Variants in SCYL2 observed in about 807,000 individuals in gnomAD.
The protein encoded by SCYL2 is SCY1-like protein 2.
In SCYL2, 36 loss-of-function variants were observed where a neutral mutation model predicts 100.4. The observed-to-expected ratio is 0.36, with a 90% CI of 0.27 to 0.47. The LOEUF is 0.47. SCYL2 is among the 20% of genes least tolerant of loss of function. The pLI is 1.00. For synonymous variants in SCYL2, 330 were observed against 359.2 expected, an observed-to-expected ratio of 0.92 and a Z score of 0.92; for missense variants, 902 against 1,083.9, an observed-to-expected ratio of 0.83 and a Z score of 2.36.
At position 100,332,967 on chromosome 12, in the gene SCYL2, T is replaced by C. The variant is rs188946001; in HGVS notation, c.1762-1199T>C. Among the ~76,000 whole-genome samples, 529 of 152,178 alleles carry C rather than the reference T, an allele frequency of 3.5e-3. 1 individual carries two copies. Among genetic ancestry groups the C allele is most frequent in the South Asian group, 0.021 (99 of 4,816 alleles). ...CTAGGCTCAAATGATCTTCCTGTCT[T>C]GGCTTCCCAAAGTGCTGGGACTACA... On this transcript the variant is annotated intron_variant, in intron 13 of 17. Coordinates refer to ENST00000360820, the MANE Select transcript of SCYL2 (RefSeq NM_017988.6).
chr12:100,307,435 A>G (rs1191933902), intron 4 of SCYL2, among the ~76,000 whole-genome samples: 2 of 152,236 alleles, frequency 1.3e-5, no homozygotes, highest in Non-Finnish European at 2.9e-5. Context: ...AAAACTGGCT[A>G]GCCACATGCA....
In SCYL2 at chr12:100,291,536, A is replaced by G; in HGVS notation, c.211A>G (p.Ile71Val). 6.3e-7 allele frequency: 1 copy of G among 1,577,672 alleles called. No homozygotes were observed. Among genetic ancestry groups the G allele is most frequent in the East Asian group, 2.3e-5 (1 of 43,852 alleles). Reference protein sequence around the residue: ...VAVFVFDKKLIDKYQKFEKDQ... With the variant: ...VAVFVFDKKLVDKYQKFEKDQ... ...AGTTTTTGTCTTTGATAAAAAACTG[A>G]TTGACAAGTATCAAAAATTTGAAAA... The change falls in exon 3 of 18, where the codon ATT (isoleucine) becomes GTT (valine). Residue 71 changes from isoleucine (I) to valine (V), a missense_variant. Physicochemically the swap from Ile to Val is conservative, Grantham distance 29. Coordinates refer to ENST00000360820, the MANE Select transcript of SCYL2 (RefSeq NM_017988.6).
chr12:100,283,828 A>G (rs2096301559), intron 2 of SCYL2, among the ~76,000 whole-genome samples: 1 of 152,216 alleles, frequency 6.6e-6, no homozygotes, highest in Non-Finnish European at 1.5e-5. Flanking sequence ...TCTTGGTCCT[A>G]TGATAAATTG....
At chr12:100,326,601 G>A (rs757716903) in intron 11 of SCYL2, 21 bp from the exon 12 acceptor site, 61 of 1,541,230 alleles carry the variant, frequency 4.0e-5, no homozygotes, top group Non-Finnish European at 5.2e-5. Flanking sequence ...AATGACTAAT[G>A]CAATTTACCT....
intron 13 of SCYL2, among the ~76,000 whole-genome samples, chr12:100,329,910 T>C (rs1952187545): frequency 6.6e-6 from 1 of 152,236 alleles, no homozygotes; most frequent in Non-Finnish European, 1.5e-5. Flanking sequence ...TGTCAGTTCC[T>C]AGCCACATGG....
intron 4 of SCYL2, among the ~76,000 whole-genome samples, chr12:100,299,555 T>C (rs1459186597): frequency 3.3e-5 from 5 of 152,220 alleles, no homozygotes; most frequent in Non-Finnish European, 5.9e-5. Flanking sequence ...AGAAAATCAC[T>C]GACCTGCTTT....
intron 13 of SCYL2, among the ~76,000 whole-genome samples, chr12:100,333,343 C>CTG (rs1187711845): frequency 6.6e-6 from 1 of 152,190 alleles, no homozygotes; most frequent in Admixed American, 6.5e-5. Context: ...TCTAGCATCT[C>CTG]TGAGTTCCTT....
chr12:100,289,626 A>G (rs370578646), intron 2 of SCYL2, among the ~76,000 whole-genome samples: 1 of 152,178 alleles, frequency 6.6e-6, no homozygotes, highest in African/African-American at 2.4e-5. Flanking sequence ...TGTAGAGTGT[A>G]TTATATTTTC....
intron 3 of SCYL2, among the ~76,000 whole-genome samples, chr12:100,295,030 C>G (rs1168512323): frequency 1.3e-5 from 2 of 150,868 alleles, no homozygotes; most frequent in Non-Finnish European, 3.0e-5. Flanking sequence ...GGGTCGCGGC[C>G]GGGCAGAGGC....
At chr12:100,292,810 A>T (rs927585883) in intron 3 of SCYL2, among the ~76,000 whole-genome samples, 1 of 152,110 alleles carries the variant, frequency 6.6e-6, no homozygotes, top group Admixed American at 6.6e-5. Flanking sequence ...ACCCAAAAAT[A>T]TGCTAATGTG....
chr12:100,294,767 C>G (rs1369694609), intron 3 of SCYL2, among the ~76,000 whole-genome samples: 1 of 149,220 alleles, frequency 6.7e-6, no homozygotes, highest in East Asian at 2.0e-4. Context: ...CACCTCCCTC[C>G]CGGACGGGGC....
chr12:100,341,095 GA>G lies in SCYL2; in HGVS notation c.*1930del, dbSNP rs990819975. 1.3e-5 allele frequency: 2 copies of G among 151,846 alleles called. No individual in the cohort carries two copies. The highest frequency in any genetic ancestry group is 4.8e-5 in the African/African-American group (2 of 41,390). 9.4% of individuals were successfully genotyped at this position (151,846 alleles called of 1,614,324 possible). ...TACTAAATATGAAAATAAGTCATTTGAAAAAAATACAGTATGTAAAATTTGT... is the reference window on the plus strand; with the variant it reads ...TACTAAATATGAAAATAAGTCATTTGAAAAAATACAGTATGTAAAATTTGT... On this transcript the variant is annotated 3_prime_UTR_variant, in exon 18 of 18. Transcript: ENST00000360820.
chr12:100,325,816 A>G (rs1592965882), intron 11 of SCYL2, among the ~76,000 whole-genome samples: 1 of 152,252 alleles, frequency 6.6e-6, no homozygotes, highest in East Asian at 1.9e-4. Flanking sequence ...GTACAAGTTA[A>G]GCGTTCAGAT....
Position 100,339,317 on chromosome 12 carries a change from ATAGTAGTTG to A in SCYL2, c.*148_*156del. On this transcript the variant is annotated 3_prime_UTR_variant, in exon 18 of 18. Transcript: ENST00000360820. ...AGGAAACATCTCTGTCCATGCCAGC[ATAGTAGTTG>A]TATGGACTTCTAACCAGTTGAGTTT... is the stretch of plus-strand genomic sequence containing the variant. The A allele has an allele frequency of 1.2e-6, 1 of 813,830 alleles. No individual in the cohort carries two copies. Among genetic ancestry groups the A allele is most frequent in the Non-Finnish European group, 1.9e-6 (1 of 529,634 alleles). 50.4% of individuals were successfully genotyped at this position (813,830 alleles called of 1,614,324 possible). A position where few individuals can be genotyped will look rare whatever the true frequency, so the allele number is the denominator to read the frequency against.
intron 1 of SCYL2, among the ~76,000 whole-genome samples, chr12:100,273,906 A>G (rs921855848): frequency 4.6e-5 from 7 of 152,204 alleles, no homozygotes; most frequent in African/African-American, 7.2e-5. Context: ...GGCATTTAAT[A>G]TATAGCTTGT....
intron 4 of SCYL2, among the ~76,000 whole-genome samples, chr12:100,301,199 G>A (rs1396416930): frequency 6.6e-6 from 1 of 152,054 alleles, no homozygotes; most frequent in African/African-American, 2.4e-5. Flanking sequence ...TTTTAATTTG[G>A]GTGAGTTGAT....
chr12:100,299,370 C>T (rs572008491), intron 4 of SCYL2, among the ~76,000 whole-genome samples: 1 of 152,282 alleles, frequency 6.6e-6, no homozygotes, highest in South Asian at 2.1e-4. Flanking sequence ...AATTGGCATA[C>T]AGTAAACTAC....
In SCYL2 at chr12:100,332,438, G is replaced by A. The variant is rs146147111; in HGVS notation, c.1762-1728G>A. Among the ~76,000 whole-genome samples, 438 of 152,250 alleles carry A rather than the reference G, an allele frequency of 2.9e-3. 1 individual carries two copies. The highest frequency in any genetic ancestry group is 9.7e-3 in the African/African-American group (403 of 41,562). On this transcript the variant is annotated intron_variant, in intron 13 of 17. Coordinates refer to ENST00000360820, the MANE Select transcript of SCYL2 (RefSeq NM_017988.6). ...GCCAATTTTGCAAGCAGGAGTTTTC[G>A]AGGATAGCAGTTTAGGCCTACAATG...
rs919313796 is a variant in SCYL2 at position 100,339,895 on chromosome 12, T to G, written c.*723T>G. On this transcript the variant is annotated 3_prime_UTR_variant, in exon 18 of 18. Transcript: ENST00000360820. ...TTCACTTGGATATATTTAGAATCAC[T>G]TTTTTCCTCCTGTATCAAGGAAGAG... The G allele has an allele frequency of 2.6e-5, 4 of 152,478 alleles. No homozygotes were observed. The highest frequency in any genetic ancestry group is 9.7e-5 in the African/African-American group (4 of 41,448). 9.4% of individuals were successfully genotyped at this position (152,478 alleles called of 1,614,324 possible).
Sources: allele counts gnomAD v4.1 joint callset (sites outside exome capture counted in the v4.1 genomes callset), GRCh38; gene constraint gnomAD v4.1.1; transcripts MANE v1.5; gene names NCBI Gene and HGNC (gene_info 2026-07-23, HGNC 2026-07-21).